Variants in PUS1 observed in about 807,000 individuals in gnomAD.
PUS1 encodes the protein pseudouridine synthase 1.
A neutral mutation model predicts 38.5 loss-of-function variants in PUS1; 25 were observed. The observed-to-expected ratio is 0.65, with a 90% CI of 0.47 to 0.91. The LOEUF is 0.91. Ranked by LOEUF, PUS1 falls within the 40% of genes least tolerant of loss-of-function variation. The pLI is 0.00. For synonymous variants in PUS1, 282 were observed against 260.4 expected, an observed-to-expected ratio of 1.08 and a Z score of -0.80; for missense variants, 597 against 612.3, an observed-to-expected ratio of 0.97 and a Z score of 0.26.
Position 131,934,331 on chromosome 12 carries a change from G to A in PUS1, c.441+2019G>A, listed in dbSNP as rs541575962. On this transcript the variant is annotated intron_variant, in intron 3 of 5. Coordinates refer to ENST00000376649, the MANE Select transcript of PUS1 (RefSeq NM_025215.6). The stretch of plus-strand genomic sequence containing the variant: ...TGGGGAGAGGGAGACTCCCTTTGCC[G>A]GTCTGTGAAGTAACAGGTGCCTTCC... Among the ~76,000 whole-genome samples the A allele has an allele frequency of 5.3e-5, 8 of 152,264 alleles. 1 individual carries two copies. Among genetic ancestry groups the A allele is most frequent in the African/African-American group, 1.4e-4 (6 of 41,570 alleles).
At position 131,941,875 on chromosome 12, in the gene PUS1, C is replaced by A. The variant is rs1415737774; in HGVS notation, c.1128C>A (p.Thr376=). 1 of 1,613,690 alleles carries A rather than the reference C, an allele frequency of 6.2e-7. No homozygotes were observed. Among genetic ancestry groups the A allele is most frequent in the African/African-American group, 1.3e-5 (1 of 74,948 alleles). ...TCAAGGAGGAGCACATCTACCCCAC[C>A]ATCATCGGCACCGAGCGGGACGAAC... ...AAFKEEHIYP[T]IIGTERDERS... The change falls in exon 5 of 6, where the codon ACC becomes ACA. Residue 376 remains threonine, a synonymous_variant. Transcript: ENST00000376649. This position sits in a 1 kb window ranked among gnomAD's most constrained non-coding sequence, Gnocchi z 4.4.
chr12:131,942,620 A>C (rs577949639), intron 5 of PUS1, among the ~76,000 whole-genome samples: 4 of 152,140 alleles, frequency 2.6e-5, no homozygotes, highest in South Asian at 2.1e-4. Context: ...GTTAGCCAGG[A>C]TGGTCTTGAT....
At chr12:131,936,249 T>C (rs915562474) in intron 3 of PUS1, among the ~76,000 whole-genome samples, 18 of 151,418 alleles carry the variant, frequency 1.2e-4, no homozygotes, top group African/African-American at 4.4e-4. Flanking sequence ...AATTCACTCT[T>C]GTACAATTGA....
intron 3 of PUS1, among the ~76,000 whole-genome samples, chr12:131,938,279 AC>A (rs1369207324): frequency 6.6e-6 from 1 of 152,054 alleles, no homozygotes; most frequent in Non-Finnish European, 1.5e-5. Context: ...CCCTGTCTCT[AC>A]AAAAAAAATT....
chr12:131,942,035 C>A, intron 5 of PUS1, 52 bp downstream of exon 5: 2 of 1,492,172 alleles, frequency 1.3e-6, no homozygotes, highest in Non-Finnish European at 1.8e-6. Context: ...CACATTGTTC[C>A]CATTGTACAG....
intron 3 of PUS1, among the ~76,000 whole-genome samples, chr12:131,938,147 GA>G (rs1890909934): frequency 6.6e-6 from 1 of 151,888 alleles, no homozygotes; most frequent in Non-Finnish European, 1.5e-5. Context: ...TCCTTTAATC[GA>G]AAACGATCTC....
chr12:131,942,957 G>T (rs1891156091), intron 5 of PUS1, among the ~76,000 whole-genome samples: 1 of 152,236 alleles, frequency 6.6e-6, no homozygotes, highest in African/African-American at 2.4e-5. Context: ...GGGAGTTGGG[G>T]GGCCAGCGGT....
In PUS1 at chr12:131,929,625, A is replaced by T. The variant is rs1165115189; in HGVS notation, c.-98A>T. The T allele has an allele frequency of 1.0e-5, 10 of 972,762 alleles. No homozygotes were observed. The South Asian group carries it at 1.7e-4, about 17-fold the overall frequency. 60.3% of individuals were successfully genotyped at this position (972,762 alleles called of 1,614,324 possible). Reference sequence around the variant, plus strand: ...TCAGAAGGAACAGGGCTGCAGCGTCAGGGTCCGAGAGGTTAGGGGTCGGCA... The same window carrying T: ...TCAGAAGGAACAGGGCTGCAGCGTCTGGGTCCGAGAGGTTAGGGGTCGGCA... On this transcript the variant is annotated 5_prime_UTR_variant, in exon 1 of 6. Coordinates refer to ENST00000376649, the MANE Select transcript of PUS1 (RefSeq NM_025215.6).
Position 131,929,518 on chromosome 12 carries a change from A to G in PUS1, c.-205A>G. 1 of 493,910 alleles carries G rather than the reference A, an allele frequency of 2.0e-6. No individual in the cohort carries two copies. The allele number at this position is 493,910 out of a possible 1,614,324, so 30.6% of individuals were successfully genotyped here. On this transcript the variant is annotated 5_prime_UTR_variant, in exon 1 of 6. Transcript: ENST00000376649. ...GCCTGAGAGGTCAGGGGTCAGCAGG[A>G]GTGAGGCTGGGGCGTCCAGGTCCGA...
intron 5 of PUS1, among the ~76,000 whole-genome samples, chr12:131,942,661 C>G (rs1346760557): frequency 6.6e-6 from 1 of 152,198 alleles, no homozygotes; most frequent in East Asian, 1.9e-4. Context: ...CCGCCTTGGC[C>G]TCCCAAAGTG....
At chr12:131,942,121 C>A in intron 5 of PUS1, 138 bp downstream of exon 5, 1 of 866,236 alleles carries the variant, frequency 1.2e-6, no homozygotes, top group Non-Finnish European at 1.8e-6. Flanking sequence ...CAGGGGCAGG[C>A]GGTCTTGAGA....
chr12:131,931,793 A>G (rs978524599), intron 2 of PUS1: 1 of 386,168 alleles, frequency 2.6e-6, no homozygotes, highest in Non-Finnish European at 4.7e-6. Context: ...GGCCTCCCAA[A>G]GTGCTGGGAT....
At chr12:131,940,978 A>G (rs1891035004) in intron 4 of PUS1, 2 of 403,766 alleles carry the variant, frequency 5.0e-6, no homozygotes, top group Non-Finnish European at 9.1e-6. Flanking sequence ...AGCATAATAT[A>G]TCCATCACTC....
At chr12:131,940,364 G>C (rs554016199) in intron 4 of PUS1, among the ~76,000 whole-genome samples, 1 of 152,212 alleles carries the variant, frequency 6.6e-6, no homozygotes, top group Non-Finnish European at 1.5e-5. Flanking sequence ...CATCCGTGCT[G>C]TTGTGTATGT....
In PUS1 at chr12:131,929,293, A is replaced by C; in HGVS notation, c.-430A>C. The C allele has an allele frequency of 2.3e-5, 4 of 176,056 alleles. No individual in the cohort carries two copies. Among genetic ancestry groups the C allele is most frequent in the South Asian group, 1.9e-4 (1 of 5,298 alleles). The allele number at this position is 176,056 out of a possible 1,614,324, so 10.9% of individuals were successfully genotyped here. On this transcript the variant is annotated 5_prime_UTR_variant, in exon 1 of 6. An upstream start codon of the reference 5' UTR is lost. Transcript: ENST00000376649. ...TCCGGCTCAGTCAGCCGCGTCGCGAATGGGGCAGGAGCGAGCCTCTCTGGT... is the reference window on the plus strand; with the variant it reads ...TCCGGCTCAGTCAGCCGCGTCGCGACTGGGGCAGGAGCGAGCCTCTCTGGT...
rs1364266518 is a variant in PUS1 at position 131,929,342 on chromosome 12, C to T, written c.-381C>T. 1 of 234,830 alleles carries T rather than the reference C, an allele frequency of 4.3e-6. No individual in the cohort carries two copies. Among genetic ancestry groups the T allele is most frequent in the Non-Finnish European group, 8.2e-6 (1 of 121,692 alleles). The allele number at this position is 234,830 out of a possible 1,614,324, so 14.5% of individuals were successfully genotyped here. ...GTCCCGACGCGGGTGGCCCGGGTCT[C>T]CTCGACTCCTGAGGAAAGCCCACCG... On this transcript the variant is annotated 5_prime_UTR_variant, in exon 1 of 6. Coordinates refer to ENST00000376649, the MANE Select transcript of PUS1 (RefSeq NM_025215.6).
At chr12:131,932,361 T>A in intron 3 of PUS1, 49 bp downstream of exon 3, 1 of 1,603,312 alleles carries the variant, frequency 6.2e-7, no homozygotes, top group Non-Finnish European at 8.5e-7. Context: ...GAGCAGCACG[T>A]GGCCCACTTT....
chr12:131,942,596 T>A (rs148437933), intron 5 of PUS1, among the ~76,000 whole-genome samples: 1 of 151,926 alleles, frequency 6.6e-6, no homozygotes, highest in East Asian at 1.9e-4. Flanking sequence ...TTAGTAGAGA[T>A]GGGGTTTCAC....
intron 4 of PUS1, 131 bp downstream of exon 4, chr12:131,939,406 G>C (rs1007484669): frequency 2.8e-6 from 2 of 720,090 alleles, no homozygotes; most frequent in African/African-American, 1.7e-5. Context: ...TTTGCAGCTG[G>C]TTCTGACCTT....
Sources: allele counts gnomAD v4.1 joint callset (sites outside exome capture counted in the v4.1 genomes callset), GRCh38; gene constraint gnomAD v4.1.1; non-coding constraint Gnocchi (gnomAD v3.1); transcripts MANE v1.5; gene names NCBI Gene and HGNC (gene_info 2026-07-23, HGNC 2026-07-21).